TBL1XR1: variants seen among roughly 807,000 people sequenced by gnomAD.
TBL1XR1 encodes the protein F-box-like/WD repeat-containing protein TBL1XR1.
A neutral mutation model predicts 66.9 loss-of-function variants in TBL1XR1; 5 were observed. That is an observed-to-expected ratio of 0.07 (90% CI 0.04 to 0.16). The LOEUF is 0.16. Ranked by LOEUF, TBL1XR1 falls within the 10% of genes least tolerant of loss-of-function variation. The pLI, the probability that TBL1XR1 is intolerant of heterozygous loss-of-function variation, is 1.00. For missense variants in TBL1XR1, 238 were observed against 623.2 expected (o/e 0.38, Z 6.58); for synonymous variants, 210 against 206.0 (o/e 1.02, Z -0.17).
chr3:177,172,510 C>A (rs1303502578), intron 1 of TBL1XR1, among the ~76,000 whole-genome samples: 1 of 151,824 alleles, frequency 6.6e-6, no homozygotes, highest in African/African-American at 2.4e-5. Flanking sequence ...CTAATCCCAG[C>A]ATTTTGGGAG....
Position 177,111,605 on chromosome 3 carries a change from T to A in TBL1XR1, c.-121-13064A>T, listed in dbSNP as rs118187640. Among the ~76,000 whole-genome samples the A allele has an allele frequency of 2.2e-3, 337 of 152,206 alleles. 11 individuals are homozygous for A. In the East Asian group the frequency reaches 0.049, roughly 22 times the overall value. On this transcript the variant is annotated intron_variant, in intron 1 of 15. Coordinates refer to ENST00000457928, the MANE Select transcript of TBL1XR1 (RefSeq NM_024665.7). ...TTCAGCCACTGCGCCAGGCCCACTATCATCTTATAAGCATCTCCTGGACAT... is the reference window on the plus strand; with the variant it reads ...TTCAGCCACTGCGCCAGGCCCACTAACATCTTATAAGCATCTCCTGGACAT...
At chr3:177,131,831 C>T (rs1488256391) in intron 1 of TBL1XR1, among the ~76,000 whole-genome samples, 1 of 151,068 alleles carries the variant, frequency 6.6e-6, no homozygotes, top group African/African-American at 2.4e-5. Context: ...TCTTAAAACA[C>T]ATTAACGAAT....
intron 2 of TBL1XR1, among the ~76,000 whole-genome samples, chr3:177,067,603 T>TA (rs912659032): frequency 2.0e-5 from 3 of 152,136 alleles, no homozygotes; most frequent in South Asian, 2.1e-4. Flanking sequence ...TAAGTCATAA[T>TA]AAAAAATACC....
intron 1 of TBL1XR1, among the ~76,000 whole-genome samples, chr3:177,126,828 A>AG (rs1727694295): frequency 7.3e-6 from 1 of 137,602 alleles, no homozygotes; most frequent in African/African-American, 2.7e-5. Context: ...AAAAAAAAAA[A>AG]GGGCACAAGT....
intron 2 of TBL1XR1, among the ~76,000 whole-genome samples, chr3:177,096,067 A>G (rs1041020483): frequency 6.6e-6 from 1 of 152,228 alleles, no homozygotes; most frequent in Non-Finnish European, 1.5e-5. Context: ...GGGAGGTAGT[A>G]GAGGTAACTG....
chr3:177,165,223 T>A (rs1192837253), intron 1 of TBL1XR1, among the ~76,000 whole-genome samples: 1 of 152,194 alleles, frequency 6.6e-6, no homozygotes, highest in Non-Finnish European at 1.5e-5. Context: ...ACAAGGTTAG[T>A]ATACAAAAGT....
At chr3:177,083,361 A>G (rs1721684198) in intron 2 of TBL1XR1, among the ~76,000 whole-genome samples, 1 of 152,224 alleles carries the variant, frequency 6.6e-6, no homozygotes, top group African/African-American at 2.4e-5. Context: ...TGAAACGATC[A>G]AGTTAGTATG....
At chr3:177,059,651 T>C (rs1220249315) in intron 3 of TBL1XR1, among the ~76,000 whole-genome samples, 2 of 152,140 alleles carry the variant, frequency 1.3e-5, no homozygotes, top group Non-Finnish European at 2.9e-5. Context: ...AGATCCTTCA[T>C]AAACCAAACT....
chr3:177,072,465 G>T (rs1258088519), intron 2 of TBL1XR1, among the ~76,000 whole-genome samples: 1 of 131,566 alleles, frequency 7.6e-6, no homozygotes, highest in Non-Finnish European at 1.6e-5. Flanking sequence ...TCACCACTAT[G>T]CACTCAAAAA....
At chr3:177,116,611 C>T (rs77864452) in intron 1 of TBL1XR1, among the ~76,000 whole-genome samples, 6,262 of 152,090 alleles carry the variant, frequency 0.041, 228 homozygotes, top group Non-Finnish European at 0.06. Context: ...ACTTGAATGC[C>T]GAGAACATAT....
intron 1 of TBL1XR1, among the ~76,000 whole-genome samples, chr3:177,147,247 C>T (rs2108839836): frequency 6.6e-6 from 1 of 152,118 alleles, no homozygotes; most frequent in South Asian, 2.1e-4. Flanking sequence ...CGAGGTCTCC[C>T]TATGTTGCCC....
At chr3:177,101,363 A>C (rs941478064) in intron 1 of TBL1XR1, among the ~76,000 whole-genome samples, 1 of 152,180 alleles carries the variant, frequency 6.6e-6, no homozygotes, top group East Asian at 1.9e-4. Context: ...TAAAATCTAC[A>C]AATCTATGTA....
In TBL1XR1 at chr3:177,023,349, A is replaced by G. The variant is rs1373828249; in HGVS notation, c.*2149T>C. 6.6e-6 allele frequency: 1 copy of G among 152,412 alleles called. No homozygotes were observed. Among genetic ancestry groups the G allele is most frequent in the Non-Finnish European group, 1.5e-5 (1 of 67,940 alleles). 9.4% of individuals were successfully genotyped at this position (152,412 alleles called of 1,614,324 possible). On this transcript the variant is annotated 3_prime_UTR_variant, in exon 16 of 16. Transcript: ENST00000457928. ...TTTAATTTTTATTTATTTTTTTTAA[A>G]CAATAACAGAGGTCAACCACAGATG...
rs148659524 is a variant in TBL1XR1, at chr3:177,024,713, G to GAAAAAAAAAAAAAA, written c.*771_*784dup. ...AGCCACATCACCAAAAAACAAAAAAGAAAAAAAAAAAAAAAAAGCAAAACA... is the reference window on the plus strand; with the variant it reads ...AGCCACATCACCAAAAAACAAAAAAGAAAAAAAAAAAAAAAAAAAAAAAAAAAAAAAGCAAAACA... On this transcript the variant is annotated 3_prime_UTR_variant, in exon 16 of 16. Coordinates refer to ENST00000457928, the MANE Select transcript of TBL1XR1 (RefSeq NM_024665.7). 2.3e-5 allele frequency: 2 copies of GAAAAAAAAAAAAAA among 85,362 alleles called. No individual in the cohort carries two copies. The highest frequency in any genetic ancestry group is 4.2e-5 in the African/African-American group (1 of 23,748). The allele number at this position is 85,362 out of a possible 1,614,324, so 5.3% of individuals were successfully genotyped here.
intron 1 of TBL1XR1, among the ~76,000 whole-genome samples, chr3:177,172,333 T>G (rs190544965): frequency 2.1e-5 from 3 of 145,836 alleles, no homozygotes; most frequent in Admixed American, 1.4e-4. Flanking sequence ...CACACTGACA[T>G]AAGTCATGGA....
intron 2 of TBL1XR1, among the ~76,000 whole-genome samples, chr3:177,086,213 C>T (rs1163570711): frequency 6.6e-6 from 1 of 151,010 alleles, no homozygotes; most frequent in Non-Finnish European, 1.5e-5. Flanking sequence ...TTTATGTAAC[C>T]CAATGTATCT....
At chr3:177,039,403 A>G (rs942736431) in intron 10 of TBL1XR1, among the ~76,000 whole-genome samples, 1 of 152,200 alleles carries the variant, frequency 6.6e-6, no homozygotes, top group Admixed American at 6.5e-5. Flanking sequence ...CATCTACTCA[A>G]CTAACAAATG....
intron 2 of TBL1XR1, among the ~76,000 whole-genome samples, chr3:177,069,772 GGAAA>G (rs1719652655): frequency 1.0e-5 from 1 of 99,068 alleles, no homozygotes; most frequent in Non-Finnish European, 2.0e-5. Context: ...AAGAAAGGAA[GGAAA>G]GGAAGGAAAA....
chr3:177,134,953 GTGTGTGTGTGTGTCTGTGTGTGTGTC>G (rs1728727942), intron 1 of TBL1XR1, among the ~76,000 whole-genome samples: 1 of 129,956 alleles, frequency 7.7e-6, no homozygotes, highest in African/African-American at 3.2e-5. Context: ...GGCTGTGTGT[GTGTGTGTGTGTGTCTGTGTGTGTGTC>G]TGTGTGTGTG....
Sources: gnomAD v4.1 joint callset for allele counts (sites outside exome capture counted in the v4.1 genomes callset) on GRCh38, gnomAD v4.1.1 for gene constraint, MANE v1.5 for transcripts, NCBI Gene and HGNC (gene_info 2026-07-23, HGNC 2026-07-21) for gene names.